PRKN: variants seen among roughly 807,000 people sequenced by gnomAD.
The protein encoded by PRKN is parkin RBR E3 ubiquitin protein ligase, also known as E3 ubiquitin-protein ligase parkin.
Under a neutral mutation model 59.5 loss-of-function variants are expected in PRKN, and 56 were observed. The ratio of observed to expected loss-of-function variants is 0.94; its 90% CI spans 0.76 to 1.18. The LOEUF is 1.18. Ranked by LOEUF, PRKN falls within the 50% of genes most tolerant of loss-of-function variation. The pLI is 0.00. For synonymous variants in PRKN, 250 were observed against 222.1 expected (o/e 1.13, Z -1.12); for missense variants, 657 against 596.4 (o/e 1.10, Z -1.06).
chr6:162,597,326 T>C (rs1781530482), intron 1 of PRKN, among the ~76,000 whole-genome samples: 1 of 152,232 alleles, frequency 6.6e-6, no homozygotes, highest in African/African-American at 2.4e-5. Flanking sequence ...TTCTCCAGGA[T>C]AATTTAACAG....
chr6:162,076,767 A>C (rs1180721811), intron 4 of PRKN, among the ~76,000 whole-genome samples: 1 of 152,164 alleles, frequency 6.6e-6, no homozygotes, highest in East Asian at 1.9e-4. Flanking sequence ...TGACTTAATA[A>C]ACCAACTTTT....
chr6:162,493,507 A>G (rs1372438127), intron 1 of PRKN, among the ~76,000 whole-genome samples: 2 of 152,216 alleles, frequency 1.3e-5, no homozygotes, highest in Admixed American at 6.5e-5. Context: ...GAAAAGGTTC[A>G]TATTTTAGAT....
chr6:161,606,139 A>G (rs1782273891), intron 7 of PRKN, among the ~76,000 whole-genome samples: 1 of 152,218 alleles, frequency 6.6e-6, no homozygotes. Flanking sequence ...AAAACATTTT[A>G]GGGAAAATGT....
intron 7 of PRKN, among the ~76,000 whole-genome samples, chr6:161,617,229 A>C (rs1156504283): frequency 6.6e-6 from 1 of 152,080 alleles, no homozygotes; most frequent in Admixed American, 6.5e-5. Context: ...GTCTGTTCAT[A>C]TCCTTCACCC....
chr6:162,308,832 T>C (rs1782347479), intron 2 of PRKN, among the ~76,000 whole-genome samples: 1 of 152,146 alleles, frequency 6.6e-6, no homozygotes, highest in African/African-American at 2.4e-5. Context: ...TGACCTTTTT[T>C]ACTTATGTAC....
intron 5 of PRKN, among the ~76,000 whole-genome samples, chr6:161,992,196 G>A (rs1279879502): frequency 1.3e-5 from 2 of 151,880 alleles, no homozygotes; most frequent in Non-Finnish European, 2.9e-5. Context: ...AAAATTAGTT[G>A]AGTGGGGTGG....
At position 161,546,404 on chromosome 6, in the gene PRKN, G is replaced by A. The variant is rs534770857; in HGVS notation, c.1083+2450C>T. ...AATTCCTTTAGCATTCAAGTTAGGTGAATATCCTTCTGTGAAAGTTTGGGA... is the reference window on the plus strand; with the variant it reads ...AATTCCTTTAGCATTCAAGTTAGGTAAATATCCTTCTGTGAAAGTTTGGGA... On this transcript the variant is annotated intron_variant, in intron 9 of 11. Coordinates refer to ENST00000366898, the MANE Select transcript of PRKN (RefSeq NM_004562.3). The surrounding 1 kb of genome is among the most constrained non-coding windows in gnomAD (Gnocchi z 4.4). Among the ~76,000 whole-genome samples, 4 of 152,236 alleles carry A rather than the reference G, an allele frequency of 2.6e-5. No individual in the cohort carries two copies. The East Asian group carries it at 7.7e-4, about 29-fold the overall frequency.
At position 161,503,145 on chromosome 6, in the gene PRKN, C is replaced by G. The variant is rs1163954323; in HGVS notation, c.1083+45709G>C. Among the ~76,000 whole-genome samples the G allele has an allele frequency of 6.6e-6, 1 of 152,076 alleles. No homozygotes were observed. Among genetic ancestry groups the G allele is most frequent in the Non-Finnish European group, 1.5e-5 (1 of 68,024 alleles). ...AGCAGGTGTGTATTATAAAGGCAAA[C>G]TGATCTCCCATGTAGAGGGAGGAGA... On this transcript the variant is annotated intron_variant, in intron 9 of 11. Transcript: ENST00000366898. The surrounding 1 kb of genome is among the most constrained non-coding windows in gnomAD (Gnocchi z 5.1).
chr6:162,330,825 G>C (rs528310188), intron 2 of PRKN, among the ~76,000 whole-genome samples: 3 of 152,272 alleles, frequency 2.0e-5, no homozygotes, highest in East Asian at 3.9e-4. Flanking sequence ...CACAGCCTAA[G>C]CAAGGGTGTT....
At chr6:162,051,763 C>T (rs539566090) in intron 5 of PRKN, among the ~76,000 whole-genome samples, 3 of 152,252 alleles carry the variant, frequency 2.0e-5, no homozygotes, top group South Asian at 2.1e-4. Flanking sequence ...GATCAAAGAA[C>T]GCAGCCTCTA....
At chr6:162,319,830 T>A (rs754666079) in intron 2 of PRKN, among the ~76,000 whole-genome samples, 1 of 151,980 alleles carries the variant, frequency 6.6e-6, no homozygotes, top group Non-Finnish European at 1.5e-5. Flanking sequence ...AAATAATTCA[T>A]CAGCATGCTT....
At chr6:161,493,662 G>A (rs1041897548) in intron 9 of PRKN, among the ~76,000 whole-genome samples, 1 of 152,238 alleles carries the variant, frequency 6.6e-6, no homozygotes, top group African/African-American at 2.4e-5. Flanking sequence ...ATGAGGGAGG[G>A]ACGCTGGCAA....
chr6:162,045,197 T>C (rs185698937), intron 5 of PRKN, among the ~76,000 whole-genome samples: 1 of 152,240 alleles, frequency 6.6e-6, no homozygotes, highest in East Asian at 1.9e-4. Context: ...GTTTTCTGCA[T>C]AGTGACTAGC....
At chr6:162,611,960 C>A (rs571243422) in intron 1 of PRKN, among the ~76,000 whole-genome samples, 2 of 151,030 alleles carry the variant, frequency 1.3e-5, no homozygotes, top group Non-Finnish European at 3.0e-5. Flanking sequence ...CCAAGGCGGG[C>A]GTATCATAAG....
At chr6:161,889,023 A>G (rs765494991) in intron 6 of PRKN, among the ~76,000 whole-genome samples, 1 of 152,222 alleles carries the variant, frequency 6.6e-6, no homozygotes, top group East Asian at 1.9e-4. Flanking sequence ...TAATTTAAAC[A>G]TAAGAACCTA....
intron 1 of PRKN, among the ~76,000 whole-genome samples, chr6:162,648,272 G>A (rs1778274343): frequency 6.6e-6 from 1 of 151,934 alleles, no homozygotes; most frequent in South Asian, 2.1e-4. Flanking sequence ...TCTCTGTACT[G>A]TGATTTTACA....
chr6:162,155,055 T>C (rs778685536), intron 4 of PRKN, among the ~76,000 whole-genome samples: 6 of 148,992 alleles, frequency 4.0e-5, no homozygotes, highest in Non-Finnish European at 7.4e-5. Flanking sequence ...ACCCACAACA[T>C]GACTTCTAGA....
intron 4 of PRKN, among the ~76,000 whole-genome samples, chr6:162,096,342 T>C (rs556563226): frequency 4.5e-4 from 69 of 152,316 alleles, no homozygotes; most frequent in Non-Finnish European, 7.9e-4. Context: ...AGTACAAGCA[T>C]ATAAAAATAG....
Position 161,581,352 on chromosome 6 carries a change from GT to G in PRKN, c.872-11937del, listed in dbSNP as rs1781332278. Among the ~76,000 whole-genome samples, 1 of 152,306 alleles carries G rather than the reference GT, an allele frequency of 6.6e-6. No homozygotes were observed. Among genetic ancestry groups the G allele is most frequent in the African/African-American group, 2.4e-5 (1 of 41,556 alleles). ...TCCTTTTGGTCTAAGTTCACAAAGT[GT>G]TTGTCTCCATTGTATTTGCTGTTTT... On this transcript the variant is annotated intron_variant, in intron 7 of 11. Transcript: ENST00000366898. This position sits in a 1 kb window ranked among gnomAD's most constrained non-coding sequence, Gnocchi z 4.5.
Sources: gnomAD v4.1 joint callset for allele counts (sites outside exome capture counted in the v4.1 genomes callset) on GRCh38, gnomAD v4.1.1 for gene constraint, Gnocchi (gnomAD v3.1) non-coding constraint, MANE v1.5 for transcripts, NCBI Gene and HGNC (gene_info 2026-07-23, HGNC 2026-07-21) for gene names.